PITPNC1: variants seen among roughly 807,000 people sequenced by gnomAD.
The protein encoded by PITPNC1 is cytoplasmic phosphatidylinositol transfer protein 1.
Under a neutral mutation model 44.7 loss-of-function variants are expected in PITPNC1, and 18 were observed. The observed-to-expected ratio is 0.40, with a 90% CI of 0.28 to 0.60. The LOEUF is 0.60. Among genes scored for constraint, PITPNC1 ranks in the 20% least tolerant of loss-of-function variants. PITPNC1 has a pLI of 0.39. For missense variants in PITPNC1, 290 were observed against 418.4 expected (o/e 0.69, Z 2.68); for synonymous variants, 141 against 149.6 (o/e 0.94, Z 0.42).
chr17:67,691,818 C>T (rs2042932218), intron 8 of PITPNC1, among the ~76,000 whole-genome samples: 1 of 152,114 alleles, frequency 6.6e-6, no homozygotes, highest in Non-Finnish European at 1.5e-5. Flanking sequence ...CCAGCCTAGG[C>T]AACATAGCGA....
At chr17:67,646,235 A>C (rs887817893) in intron 6 of PITPNC1, among the ~76,000 whole-genome samples, 1 of 152,210 alleles carries the variant, frequency 6.6e-6, no homozygotes, top group African/African-American at 2.4e-5. Context: ...TGCAACAATG[A>C]CTATGATGTT....
chr17:67,399,528 C>T (rs774673561), intron 1 of PITPNC1, among the ~76,000 whole-genome samples: 1 of 152,114 alleles, frequency 6.6e-6, no homozygotes, highest in African/African-American at 2.4e-5. Context: ...ATAAGAAAAT[C>T]GCTTGAATTT....
chr17:67,567,702 C>T (rs1185836728), intron 4 of PITPNC1, among the ~76,000 whole-genome samples: 1 of 151,980 alleles, frequency 6.6e-6, no homozygotes, highest in Non-Finnish European at 1.5e-5. Context: ...TGGCCGGGCG[C>T]AGTGGCTCAC....
At chr17:67,416,421 G>T (rs2038590646) in intron 1 of PITPNC1, among the ~76,000 whole-genome samples, 1 of 151,756 alleles carries the variant, frequency 6.6e-6, no homozygotes, top group Non-Finnish European at 1.5e-5. Flanking sequence ...CCACCATTTT[G>T]TCCAGGCTGG....
intron 2 of PITPNC1, among the ~76,000 whole-genome samples, chr17:67,542,679 A>G (rs746759311): frequency 5.3e-5 from 8 of 152,184 alleles, no homozygotes; most frequent in South Asian, 2.1e-4. Flanking sequence ...AATAATGTAC[A>G]CAGACAATTA....
At chr17:67,581,284 C>G (rs1005429291) in intron 5 of PITPNC1, among the ~76,000 whole-genome samples, 1 of 152,248 alleles carries the variant, frequency 6.6e-6, no homozygotes, top group African/African-American at 2.4e-5. Context: ...ATGCCAAGGG[C>G]CAGGCCCCTT....
intron 6 of PITPNC1, among the ~76,000 whole-genome samples, chr17:67,653,126 A>G (rs1002790122): frequency 3.3e-5 from 5 of 152,246 alleles, no homozygotes; most frequent in African/African-American, 1.2e-4. Context: ...TACTAAAAAT[A>G]CAAAAATTAG....
chr17:67,679,242 G>A (rs2042658972), intron 8 of PITPNC1, among the ~76,000 whole-genome samples: 1 of 152,204 alleles, frequency 6.6e-6, no homozygotes, highest in South Asian at 2.1e-4. Context: ...GATAGAGCGA[G>A]CCTTTGTCTC....
At chr17:67,490,036 C>T (rs1347537914) in intron 1 of PITPNC1, among the ~76,000 whole-genome samples, 1 of 152,008 alleles carries the variant, frequency 6.6e-6, no homozygotes, top group Non-Finnish European at 1.5e-5. Flanking sequence ...CACACCCAGC[C>T]AGGTTATTTC....
chr17:67,574,187 C>G (rs989447317), intron 4 of PITPNC1, among the ~76,000 whole-genome samples: 2 of 152,192 alleles, frequency 1.3e-5, no homozygotes, highest in African/African-American at 4.8e-5. Context: ...CCATTCTCCA[C>G]CTGGGGCAAC....
chr17:67,583,844 C>T (rs1018724797), intron 5 of PITPNC1, among the ~76,000 whole-genome samples: 11 of 150,622 alleles, frequency 7.3e-5, no homozygotes, highest in Non-Finnish European at 1.2e-4. Flanking sequence ...TACAGGCGCC[C>T]GCCACCACGC....
chr17:67,629,163 C>T (rs2041932600), intron 5 of PITPNC1, among the ~76,000 whole-genome samples: 1 of 151,204 alleles, frequency 6.6e-6, no homozygotes, highest in South Asian at 2.1e-4. Context: ...GTAGATTTTG[C>T]CACCAATAAA....
rs534196558 is a variant in PITPNC1 at position 67,529,343 on chromosome 17, A to G, written c.49-3459A>G. 8.4e-4 allele frequency among the ~76,000 whole-genome samples: 128 copies of G among 152,248 alleles called. 1 individual carries two copies. Among genetic ancestry groups the G allele is most frequent in the African/African-American group, 3.0e-3 (123 of 41,558 alleles). ...TACGTGAGTGGGTTGGAGTGCCTGA[A>G]GATGGTCCAGTGGTGGAAATAGCTC... On this transcript the variant is annotated intron_variant, in intron 1 of 8. Transcript: ENST00000581322.
chr17:67,656,013 G>A (rs944414566), intron 6 of PITPNC1, among the ~76,000 whole-genome samples: 6 of 152,198 alleles, frequency 3.9e-5, no homozygotes, highest in Admixed American at 1.3e-4. Flanking sequence ...AGCCCGGGTC[G>A]GGGTGGACTG....
chr17:67,610,936 GAAAA>G (rs1598884367), intron 5 of PITPNC1, among the ~76,000 whole-genome samples: 1 of 144,790 alleles, frequency 6.9e-6, no homozygotes, highest in Non-Finnish European at 1.5e-5. Flanking sequence ...AAAAAAAAAA[GAAAA>G]AGAAAAGAAA....
chr17:67,400,677 T>TA (rs1033645200), intron 1 of PITPNC1, among the ~76,000 whole-genome samples: 202 of 152,170 alleles, frequency 1.3e-3, no homozygotes, highest in African/African-American at 4.6e-3. Flanking sequence ...GCCCTCTTTC[T>TA]AAAAATAACC....
At chr17:67,490,414 T>C (rs563750457) in intron 1 of PITPNC1, among the ~76,000 whole-genome samples, 5 of 152,162 alleles carry the variant, frequency 3.3e-5, no homozygotes, top group South Asian at 2.1e-4. Context: ...GCAAACCAGA[T>C]AAAAGAATGA....
intron 2 of PITPNC1, among the ~76,000 whole-genome samples, chr17:67,538,555 G>C (rs945710550): frequency 1.3e-5 from 2 of 152,112 alleles, no homozygotes; most frequent in South Asian, 4.2e-4. Context: ...AGCCAAGATC[G>C]TGCCACTGCA....
chr17:67,402,763 A>C (rs189286946), intron 1 of PITPNC1, among the ~76,000 whole-genome samples: 2 of 152,112 alleles, frequency 1.3e-5, no homozygotes, highest in East Asian at 3.9e-4. Flanking sequence ...CCCTCCCTGG[A>C]TCAAGTGATT....
Sources: allele counts gnomAD v4.1 joint callset (sites outside exome capture counted in the v4.1 genomes callset), GRCh38; gene constraint gnomAD v4.1.1; transcripts MANE v1.5; gene names NCBI Gene and HGNC (gene_info 2026-07-23, HGNC 2026-07-21).